RGPD4: variants seen among roughly 807,000 people sequenced by gnomAD.
RGPD4 encodes ranBP2-like and GRIP domain-containing protein 4.
In RGPD4, 84 loss-of-function variants were observed where a neutral mutation model predicts 141.1. The observed-to-expected ratio is 0.60, with a 90% CI of 0.50 to 0.71. RGPD4 has a LOEUF of 0.71. Ranked by LOEUF, RGPD4 falls within the 30% of genes least tolerant of loss-of-function variation. The probability of loss-of-function intolerance (pLI) is 0.00; values close to 1 mark genes in which losing one functional copy is unlikely to be tolerated. For synonymous variants in RGPD4, 298 were observed against 566.8 expected, an observed-to-expected ratio of 0.53 and a Z score of 6.74; for missense variants, 918 against 1,622.4, an observed-to-expected ratio of 0.57 and a Z score of 7.46.
At chr2:107,845,929 C>T (rs1420508325) in intron 6 of RGPD4, among the ~76,000 whole-genome samples, 6 of 113,394 alleles carry the variant, frequency 5.3e-5, no homozygotes, top group Middle Eastern at 4.3e-3. Context: ...AGGATGGTCT[C>T]GATCTTTTTT....
chr2:107,881,277 CACTA>C (rs1049440732), intron 21 of RGPD4, among the ~76,000 whole-genome samples: 1 of 150,162 alleles, frequency 6.7e-6, no homozygotes, highest in Non-Finnish European at 1.5e-5. Flanking sequence ...GCTAACAAAT[CACTA>C]ACTAGCCCAG....
At chr2:107,884,441 A>G (rs1483895862) in intron 22 of RGPD4, among the ~76,000 whole-genome samples, 1 of 150,744 alleles carries the variant, frequency 6.6e-6, no homozygotes, top group South Asian at 2.1e-4. Context: ...ATATATAAAT[A>G]TATTTTTAAT....
intron 7 of RGPD4, among the ~76,000 whole-genome samples, chr2:107,853,753 T>TC (rs1682196596): frequency 1.2e-5 from 1 of 82,176 alleles, no homozygotes; most frequent in Admixed American, 1.4e-4. Flanking sequence ...TTTTTTTTTT[T>TC]TTTCTTTTGT....
intron 1 of RGPD4, among the ~76,000 whole-genome samples, chr2:107,827,525 A>C (rs1183615717): frequency 5.4e-5 from 2 of 37,148 alleles, no homozygotes; most frequent in African/African-American, 3.4e-4. Flanking sequence ...GGCGGCCTCG[A>C]TGGCTCAGGC....
At chr2:107,887,519 A>T (rs962751978) in intron 22 of RGPD4, among the ~76,000 whole-genome samples, 1 of 150,936 alleles carries the variant, frequency 6.6e-6, no homozygotes, top group Admixed American at 6.6e-5. Flanking sequence ...AAAGTAGGTT[A>T]CCCAACTCTG....
chr2:107,832,249 A>G (rs1260224211), intron 1 of RGPD4, among the ~76,000 whole-genome samples: 1 of 148,286 alleles, frequency 6.7e-6, no homozygotes, highest in African/African-American at 2.5e-5. Context: ...TCCAACCTGG[A>G]TTGGGTTTTC....
rs1675641099 is a variant in RGPD4, at chr2:107,890,940, T to A, written c.*209T>A. 1.5e-6 allele frequency: 1 copy of A among 648,912 alleles called. No individual in the cohort carries two copies. The highest frequency in any genetic ancestry group is 2.6e-6 in the Non-Finnish European group (1 of 381,760). 40.2% of individuals were successfully genotyped at this position (648,912 alleles called of 1,614,324 possible). A position where few individuals can be genotyped will look rare whatever the true frequency, so the allele number is the denominator to read the frequency against. On this transcript the variant is annotated 3_prime_UTR_variant, in exon 23 of 23. Transcript: ENST00000408999. ...CTATATGACAGATGTATTTTAAAAG[T>A]TTCAACTTGAAGTAAAAGTACAACA...
chr2:107,844,406 G>A (rs1161583383), intron 6 of RGPD4, among the ~76,000 whole-genome samples: 2 of 152,170 alleles, frequency 1.3e-5, no homozygotes, highest in South Asian at 2.1e-4. Context: ...ATTGTCTGTG[G>A]CTGCTTACAT....
chr2:107,883,259 G>T (rs969200628), intron 22 of RGPD4: 5 of 432,154 alleles, frequency 1.2e-5, no homozygotes, highest in African/African-American at 8.2e-5. Flanking sequence ...ACCCCAAATA[G>T]CCTAAGACAA....
rs188927223 is a variant in RGPD4 at position 107,888,817 on chromosome 2, A to G, written c.5267-1904A>G. On this transcript the variant is annotated intron_variant, in intron 22 of 22. Transcript: ENST00000408999. ...GGAACTAAACTCTTCCAACTACCAC[A>G]TAAGTTTGGAAGTAGATTCTCCAGT... Among the ~76,000 whole-genome samples, 396 of 139,214 alleles carry G rather than the reference A, an allele frequency of 2.8e-3. 2 individuals carry two copies. The highest frequency in any genetic ancestry group is 4.7e-3 in the South Asian group (19 of 4,046). The allele number at this position is 139,214 out of a possible 152,430, so 91.3% of individuals were successfully genotyped here. A position where few individuals can be genotyped will look rare whatever the true frequency, so the allele number is the denominator to read the frequency against.
intron 20 of RGPD4, among the ~76,000 whole-genome samples, chr2:107,878,155 A>C (rs796132464): frequency 6.0e-5 from 9 of 151,090 alleles, no homozygotes; most frequent in African/African-American, 2.2e-4. Context: ...TTCCTCATAC[A>C]CCTTTCACTT....
At chr2:107,888,503 T>G (rs1675569503) in intron 22 of RGPD4, among the ~76,000 whole-genome samples, 1 of 151,260 alleles carries the variant, frequency 6.6e-6, no homozygotes, top group African/African-American at 2.4e-5. Context: ...TTCCTTCTAC[T>G]TTCTAGAAGT....
intron 20 of RGPD4, among the ~76,000 whole-genome samples, chr2:107,874,568 A>T (rs568125447): frequency 6.7e-6 from 1 of 148,700 alleles, no homozygotes; most frequent in Admixed American, 6.7e-5. Flanking sequence ...TTTTAAAGAT[A>T]CGGTCTTTGA....
At chr2:107,830,274 T>A (rs953028888) in intron 1 of RGPD4, among the ~76,000 whole-genome samples, 5 of 151,292 alleles carry the variant, frequency 3.3e-5, no homozygotes, top group African/African-American at 1.2e-4. Context: ...CCTCTTTACA[T>A]GTAAATAATG....
chr2:107,872,888 A>C lies in RGPD4; in HGVS notation c.4884A>C (p.Glu1628Asp). 1 of 1,585,096 alleles carries C rather than the reference A, an allele frequency of 6.3e-7. No homozygotes were observed. ...VKNLSASFPMEESSINYTFKT... is the reference protein window; with the variant it reads ...VKNLSASFPMDESSINYTFKT... ...ATCTCTCTGCTTCCTTTCCAATGGAAGAATCTTCAATCAACTACACATTTA... is the reference window on the plus strand; with the variant it reads ...ATCTCTCTGCTTCCTTTCCAATGGACGAATCTTCAATCAACTACACATTTA... The change falls in exon 20 of 23, where the codon GAA becomes GAC. Residue 1628 changes from glutamate (E) to aspartate (D), a missense_variant. By Grantham distance (45) the Glu-to-Asp change is conservative. Transcript: ENST00000408999.
At position 107,829,629 on chromosome 2, in the gene RGPD4, C is replaced by T. The variant is rs962834993; in HGVS notation, c.72+2544C>T. Among the ~76,000 whole-genome samples, 5 of 152,208 alleles carry T rather than the reference C, an allele frequency of 3.3e-5. No homozygotes were observed. In the East Asian group the frequency reaches 5.8e-4, roughly 18 times the overall value. ...AGGCGGGCTCTGTTGAGGCGCCGGC[C>T]GGCTGGCGCAGTCCTGTGGGCGGCG... On this transcript the variant is annotated intron_variant, in intron 1 of 22. Transcript: ENST00000408999.
intron 20 of RGPD4, 118 bp downstream of exon 20, chr2:107,873,046 C>G: frequency 1.3e-6 from 1 of 786,002 alleles, no homozygotes; most frequent in South Asian, 1.9e-5. Context: ...TGAACACCCC[C>G]AAAATATTTG....
At chr2:107,858,408 C>A (rs1163166426) in intron 9 of RGPD4, among the ~76,000 whole-genome samples, 17 of 141,176 alleles carry the variant, frequency 1.2e-4, no homozygotes, top group African/African-American at 4.9e-4. Flanking sequence ...CTTTTCTTTT[C>A]TTTTCTTTTC....
intron 1 of RGPD4, among the ~76,000 whole-genome samples, chr2:107,834,137 C>A (rs112615528): frequency 6.6e-6 from 1 of 151,686 alleles, no homozygotes; most frequent in Non-Finnish European, 1.5e-5. Flanking sequence ...GTTGCCAGAG[C>A]TGGGATTGCA....
Sources: allele counts gnomAD v4.1 joint callset (sites outside exome capture counted in the v4.1 genomes callset), GRCh38; gene constraint gnomAD v4.1.1; transcripts MANE v1.5; gene names NCBI Gene and HGNC (gene_info 2026-07-23, HGNC 2026-07-21).